The following SUN2 variants were observed in gnomAD, a reference collection of about 807,000 sequenced individuals.
The protein encoded by SUN2 is Sad1 and UNC84 domain containing 2.
SUN2 carries 60 observed loss-of-function variants against 100.0 expected under a neutral mutation model. The ratio of observed to expected loss-of-function variants is 0.60; its 90% CI spans 0.49 to 0.74. SUN2 has a LOEUF of 0.74. Among genes scored for constraint, SUN2 ranks in the 30% least tolerant of loss-of-function variants. SUN2 has a pLI of 0.00. For synonymous variants in SUN2, 367 were observed against 403.3 expected (o/e 0.91, Z 1.08); for missense variants, 834 against 954.6 (o/e 0.87, Z 1.66).
chr22:38,740,152 C>G lies in SUN2; in HGVS notation c.1356+115G>C. On this transcript the variant is annotated intron_variant, in intron 12 of 17. Transcript: ENST00000689035. The surrounding 1 kb of genome is among the most constrained non-coding windows in gnomAD (Gnocchi z 4.8). Reference sequence around the variant, plus strand: ...CATGTGTCAAGGCCAACGCCACAGTCTCTTGGGCATAACAGAGGCTGCAGG... The same window carrying G: ...CATGTGTCAAGGCCAACGCCACAGTGTCTTGGGCATAACAGAGGCTGCAGG... The G allele has an allele frequency of 2.2e-6, 3 of 1,371,472 alleles. No homozygotes were observed. Among genetic ancestry groups the G allele is most frequent in the Non-Finnish European group, 2.9e-6 (3 of 1,036,456 alleles). The allele number at this position is 1,371,472 out of a possible 1,614,324, so 85.0% of individuals were successfully genotyped here.
At position 38,739,310 on chromosome 22, in the gene SUN2, A is replaced by G. The variant is rs567787342; in HGVS notation, c.1663+32T>C. ...GGGACCGGCCATTGCGGGGTCCAGG[A>G]CAAGGCAGAGCGAGGAAAGCAGAGC... is the stretch of plus-strand genomic sequence containing the variant. On this transcript the variant is annotated intron_variant, in intron 14 of 17. Coordinates refer to ENST00000689035, the MANE Select transcript of SUN2 (RefSeq NM_015374.3). This position sits in a 1 kb window ranked among gnomAD's most constrained non-coding sequence, Gnocchi z 6.7. 1.1e-5 allele frequency: 18 copies of G among 1,609,964 alleles called. No homozygotes were observed. The South Asian group carries it at 1.9e-4, about 17-fold the overall frequency.
chr22:38,738,814 G>A lies in SUN2; in HGVS notation c.1779+59C>T. The A allele has an allele frequency of 6.3e-7, 1 of 1,599,430 alleles. No individual in the cohort carries two copies. Among genetic ancestry groups the A allele is most frequent in the Admixed American group, 1.7e-5 (1 of 59,460 alleles). On this transcript the variant is annotated intron_variant, in intron 15 of 17. Coordinates refer to ENST00000689035, the MANE Select transcript of SUN2 (RefSeq NM_015374.3). This position sits in a 1 kb window ranked among gnomAD's most constrained non-coding sequence, Gnocchi z 6.6. ...CTGAGTCCAGCTCTTGCTGACCCCAGATGGGACCAGCCCTCAGTGTGCTCA... is the reference window on the plus strand; with the variant it reads ...CTGAGTCCAGCTCTTGCTGACCCCAAATGGGACCAGCCCTCAGTGTGCTCA...
chr22:38,737,684 A>G lies in SUN2; in HGVS notation c.2040+489T>C, dbSNP rs1356749512. ...GGGGCTTAGGCCAATGGTTTGTTCA[A>G]ATGCAGGCTCCTGGGTCCTGTCAGC... On this transcript the variant is annotated intron_variant, in intron 17 of 17. Coordinates refer to ENST00000689035, the MANE Select transcript of SUN2 (RefSeq NM_015374.3). This position sits in a 1 kb window ranked among gnomAD's most constrained non-coding sequence, Gnocchi z 4.1. The G allele has an allele frequency of 5.7e-6, 2 of 353,834 alleles. No homozygotes were observed. Among genetic ancestry groups the G allele is most frequent in the African/African-American group, 4.3e-5 (2 of 46,588 alleles). The allele number at this position is 353,834 out of a possible 1,614,324, so 21.9% of individuals were successfully genotyped here.
At chr22:38,750,681 G>A (rs1042531567) in intron 4 of SUN2, among the ~76,000 whole-genome samples, 3 of 152,220 alleles carry the variant, frequency 2.0e-5, no homozygotes, top group Non-Finnish European at 4.4e-5. Flanking sequence ...CCATAGACTC[G>A]TGGGGTGGGG....
chr22:38,744,971 CAT>C, intron 8 of SUN2: 1 of 460,198 alleles, frequency 2.2e-6, no homozygotes, highest in Non-Finnish European at 4.5e-6. Flanking sequence ...GCACCTCTGT[CAT>C]GTGACCTTGT....
rs1365126476 is a variant in SUN2, at chr22:38,735,121, T to C, written c.*1146A>G. 1 of 399,726 alleles carries C rather than the reference T, an allele frequency of 2.5e-6. No individual in the cohort carries two copies. The allele number at this position is 399,726 out of a possible 1,614,324, so 24.8% of individuals were successfully genotyped here. A position where few individuals can be genotyped will look rare whatever the true frequency, so the allele number is the denominator to read the frequency against. On this transcript the variant is annotated 3_prime_UTR_variant, in exon 18 of 18. Transcript: ENST00000689035. The stretch of plus-strand genomic sequence containing the variant: ...CAGACCTTGAAAAATATATACATAA[T>C]ACAGTGGGGCCTGCTGGCTCTAAAA...
At chr22:38,746,697 G>A (rs954835705) in intron 7 of SUN2, among the ~76,000 whole-genome samples, 5 of 152,224 alleles carry the variant, frequency 3.3e-5, no homozygotes, top group Admixed American at 2.0e-4. Flanking sequence ...GATAATGCAC[G>A]GGAAAGTGCT....
Position 38,737,726 on chromosome 22 carries a change from C to G in SUN2, c.2040+447G>C, listed in dbSNP as rs1272769939. Reference sequence around the variant, plus strand: ...CCTGTCAGCCCTAAGGAACCAGACTCTCCTGGGGTGGAGACTGGGAATCTG... The same window carrying G: ...CCTGTCAGCCCTAAGGAACCAGACTGTCCTGGGGTGGAGACTGGGAATCTG... On this transcript the variant is annotated intron_variant, in intron 17 of 17. Transcript: ENST00000689035. The surrounding 1 kb of genome is among the most constrained non-coding windows in gnomAD (Gnocchi z 4.1). The G allele has an allele frequency of 2.7e-6, 1 of 368,728 alleles. No individual in the cohort carries two copies. Among genetic ancestry groups the G allele is most frequent in the African/African-American group, 2.1e-5 (1 of 47,062 alleles). 22.8% of individuals were successfully genotyped at this position (368,728 alleles called of 1,614,324 possible).
chr22:38,746,026 ACGGGAATC>A (rs1382554182), intron 7 of SUN2, among the ~76,000 whole-genome samples: 1 of 152,188 alleles, frequency 6.6e-6, no homozygotes, highest in Non-Finnish European at 1.5e-5. Context: ...TCACACCCCC[ACGGGAATC>A]CTTCATCTTT....
chr22:38,755,106 C>T lies in SUN2; in HGVS notation c.-38+657G>A. ...GGGCGACTTCCTTTCTCAATTCCGC[C>T]CTTCCCCATCACAAACATCTCCATC... On this transcript the variant is annotated intron_variant, in intron 1 of 17. Transcript: ENST00000689035. This position sits in a 1 kb window ranked among gnomAD's most constrained non-coding sequence, Gnocchi z 5.7. 2 of 972,490 alleles carry T rather than the reference C, an allele frequency of 2.1e-6. No homozygotes were observed. The highest frequency in any genetic ancestry group is 3.3e-5 in the South Asian group (2 of 61,236). The allele number at this position is 972,490 out of a possible 1,614,324, so 60.2% of individuals were successfully genotyped here.
In SUN2 at chr22:38,755,954, G is replaced by A. The variant is rs1162523761; in HGVS notation, c.-229C>T. ...AGGCGGGCGGGCGGACAATGCGGCC[G>A]GCGGAGGCCCGCGCTGCGCGAGTGG... On this transcript the variant is annotated 5_prime_UTR_variant, in exon 1 of 18. Transcript: ENST00000689035. This position sits in a 1 kb window ranked among gnomAD's most constrained non-coding sequence, Gnocchi z 5.7. 3 of 983,408 alleles carry A rather than the reference G, an allele frequency of 3.1e-6. No homozygotes were observed. Among genetic ancestry groups the A allele is most frequent in the East Asian group, 1.1e-4 (1 of 8,810 alleles). The allele number at this position is 983,408 out of a possible 1,614,324, so 60.9% of individuals were successfully genotyped here. A position where few individuals can be genotyped will look rare whatever the true frequency, so the allele number is the denominator to read the frequency against.
Position 38,739,505 on chromosome 22 carries a change from A to AC in SUN2, c.1579-80dup. On this transcript the variant is annotated intron_variant, in intron 13 of 17. Coordinates refer to ENST00000689035, the MANE Select transcript of SUN2 (RefSeq NM_015374.3). The surrounding 1 kb of genome is among the most constrained non-coding windows in gnomAD (Gnocchi z 6.7). ...GTCACCTCGTGGCCGTGGGCCAAGG[A>AC]CCCATGGGCTGACCCCTTCTAGGCT... 6.6e-7 allele frequency: 1 copy of AC among 1,513,240 alleles called. No individual in the cohort carries two copies. Among genetic ancestry groups the AC allele is most frequent in the Non-Finnish European group, 9.1e-7 (1 of 1,099,548 alleles). The allele number at this position is 1,513,240 out of a possible 1,614,324, so 93.7% of individuals were successfully genotyped here. A position where few individuals can be genotyped will look rare whatever the true frequency, so the allele number is the denominator to read the frequency against.
In SUN2 at chr22:38,737,667, G is replaced by A. The variant is rs972783590; in HGVS notation, c.2040+506C>T. 11 of 351,066 alleles carry A rather than the reference G, an allele frequency of 3.1e-5. No individual in the cohort carries two copies. The highest frequency in any genetic ancestry group is 5.6e-5 in the Non-Finnish European group (10 of 177,842). The allele number at this position is 351,066 out of a possible 1,614,324, so 21.7% of individuals were successfully genotyped here. ...CAGGACTCCCCCGGTGTGGGGCTTA[G>A]GCCAATGGTTTGTTCAAATGCAGGC... On this transcript the variant is annotated intron_variant, in intron 17 of 17. Coordinates refer to ENST00000689035, the MANE Select transcript of SUN2 (RefSeq NM_015374.3). The surrounding 1 kb of genome is among the most constrained non-coding windows in gnomAD (Gnocchi z 4.1).
Position 38,739,731 on chromosome 22 carries a change from C to T in SUN2, c.1569G>A (p.Val523=). ...LTLQKEGVIG[V]TEEQVHHIVK... ...GGCATGTGGGCCTCACCTCCTCTGT[C>T]ACTCCAATCACACCTTCTTTCTGCA... The change falls in exon 13 of 18, where the codon GTG becomes GTA. Residue 523 remains valine, a synonymous_variant. Transcript: ENST00000689035. The surrounding 1 kb of genome is among the most constrained non-coding windows in gnomAD (Gnocchi z 6.7). 6.2e-7 allele frequency: 1 copy of T among 1,613,560 alleles called. No homozygotes were observed. The highest frequency in any genetic ancestry group is 8.5e-7 in the Non-Finnish European group (1 of 1,179,938).
chr22:38,735,350 G>A lies in SUN2; in HGVS notation c.*917C>T, dbSNP rs748901953. 5 of 412,070 alleles carry A rather than the reference G, an allele frequency of 1.2e-5. No individual in the cohort carries two copies. The highest frequency in any genetic ancestry group is 2.4e-5 in the Non-Finnish European group (5 of 208,740). 25.5% of individuals were successfully genotyped at this position (412,070 alleles called of 1,614,324 possible). On this transcript the variant is annotated 3_prime_UTR_variant, in exon 18 of 18. Transcript: ENST00000689035. ...CCGGTGCAGACAGACCTCGCACCCC[G>A]ATACCCTGAACGTCCCCACAAGAGC...
intron 8 of SUN2, chr22:38,745,111 G>A (rs535757529): frequency 2.1e-6 from 1 of 471,074 alleles, no homozygotes; most frequent in African/African-American, 2.0e-5. Context: ...AGGCCTCAAA[G>A]GTCTGGTTGC....
chr22:38,737,920 G>A lies in SUN2; in HGVS notation c.2040+253C>T. 2 of 669,094 alleles carry A rather than the reference G, an allele frequency of 3.0e-6. No homozygotes were observed. Among genetic ancestry groups the A allele is most frequent in the Non-Finnish European group, 5.6e-6 (2 of 354,770 alleles). 41.4% of individuals were successfully genotyped at this position (669,094 alleles called of 1,614,324 possible). A position where few individuals can be genotyped will look rare whatever the true frequency, so the allele number is the denominator to read the frequency against. ...TTCCTGGCCACCCAACCCCTCTTGT[G>A]TAAAGCCCACCTCCTGGTGTCCTTT... On this transcript the variant is annotated intron_variant, in intron 17 of 17. Coordinates refer to ENST00000689035, the MANE Select transcript of SUN2 (RefSeq NM_015374.3). This position sits in a 1 kb window ranked among gnomAD's most constrained non-coding sequence, Gnocchi z 4.1.
chr22:38,752,707 C>T, intron 1 of SUN2, 42 bp from the exon 2 acceptor site: 3 of 1,559,668 alleles, frequency 1.9e-6, no homozygotes, highest in African/African-American at 1.3e-5. Context: ...AGGCCTGGGG[C>T]TGTCCCCAGC....
intron 8 of SUN2, 188 bp from the exon 9 acceptor site, chr22:38,742,743 G>A: frequency 1.5e-6 from 1 of 678,846 alleles, no homozygotes; most frequent in Non-Finnish European, 2.4e-6. Flanking sequence ...GGTGTGCTGG[G>A]AGCCAGGGAT....
Sources: allele counts gnomAD v4.1 joint callset (sites outside exome capture counted in the v4.1 genomes callset), GRCh38; gene constraint gnomAD v4.1.1; non-coding constraint Gnocchi (gnomAD v3.1); transcripts MANE v1.5; gene names NCBI Gene and HGNC (gene_info 2026-07-23, HGNC 2026-07-21).